CSMD1: variants seen among roughly 807,000 people sequenced by gnomAD.
CSMD1 encodes CUB and Sushi multiple domains 1, also known as CUB and sushi domain-containing protein 1.
CSMD1 carries 213 observed loss-of-function variants against 417.5 expected under a neutral mutation model. That is an observed-to-expected ratio of 0.51 (90% confidence interval 0.46 to 0.57). The LOEUF is 0.57. Ranked by LOEUF, CSMD1 falls within the 20% of genes least tolerant of loss-of-function variation. The pLI is 0.00. For synonymous variants in CSMD1, 2,862 were observed against 1,736.8 expected, an observed-to-expected ratio of 1.65 and a Z score of -16.11; for missense variants, 6,923 against 4,529.7, an observed-to-expected ratio of 1.53 and a Z score of -15.17.
At chr8:4,279,948 A>G (rs1452400838) in intron 3 of CSMD1, among the ~76,000 whole-genome samples, 1 of 152,228 alleles carries the variant, frequency 6.6e-6, no homozygotes. Flanking sequence ...CAAGAAAAGT[A>G]CATAGGGGCA....
intron 3 of CSMD1, among the ~76,000 whole-genome samples, chr8:4,175,502 C>G (rs1356791457): frequency 6.6e-6 from 1 of 152,082 alleles, no homozygotes; most frequent in Non-Finnish European, 1.5e-5. Context: ...TAAAACATTA[C>G]ACAAAGACAA....
Position 4,416,070 on chromosome 8 carries a change from G to A in CSMD1, c.415+3883C>T, listed in dbSNP as rs562222212. Among the ~76,000 whole-genome samples, 15 of 152,236 alleles carry A rather than the reference G, an allele frequency of 9.9e-5. No individual in the cohort carries two copies. In the East Asian group the frequency reaches 2.5e-3, roughly 25 times the overall value. ...GTGAAGATTTCCTAAGAAAAGACAT[G>A]AATAAAGTCTTTGCCAATTGTTATG... On this transcript the variant is annotated intron_variant, in intron 3 of 69. Coordinates refer to ENST00000635120, the MANE Select transcript of CSMD1 (RefSeq NM_033225.6).
chr8:4,915,771 C>T (rs953365310), intron 1 of CSMD1, among the ~76,000 whole-genome samples: 1 of 152,204 alleles, frequency 6.6e-6, no homozygotes, highest in South Asian at 2.1e-4. Flanking sequence ...GGGATTCAAA[C>T]TTTTAGCAGA....
intron 2 of CSMD1, among the ~76,000 whole-genome samples, chr8:4,544,168 T>C (rs1019300806): frequency 1.3e-5 from 2 of 152,216 alleles, no homozygotes; most frequent in African/African-American, 2.4e-5. Flanking sequence ...ACCTTTGATG[T>C]TGTATGTAAA....
rs544856983 is a variant in CSMD1, at chr8:4,313,312, G to A, written c.415+106641C>T. Among the ~76,000 whole-genome samples, 14 of 152,066 alleles carry A rather than the reference G, an allele frequency of 9.2e-5. 1 individual carries two copies. The East Asian group carries it at 2.7e-3, about 30-fold the overall frequency. On this transcript the variant is annotated intron_variant, in intron 3 of 69. Transcript: ENST00000635120. ...CGAAGAATCTGGTTAATAGCTAGCT[G>A]AGTCCCTAGAGAGGGAGGAATCCAT...
intron 49 of CSMD1, among the ~76,000 whole-genome samples, chr8:3,061,297 C>T (rs561644481): frequency 1.1e-4 from 16 of 152,144 alleles, no homozygotes; most frequent in East Asian, 1.9e-4. Context: ...CAAATAGTCA[C>T]ATTTATTATT....
chr8:4,554,046 C>T (rs1026641725), intron 2 of CSMD1, among the ~76,000 whole-genome samples: 1 of 152,152 alleles, frequency 6.6e-6, no homozygotes, highest in Admixed American at 6.5e-5. Flanking sequence ...ACATTATATC[C>T]CTGCTGTCTC....
intron 3 of CSMD1, among the ~76,000 whole-genome samples, chr8:4,191,351 G>A (rs1000928458): frequency 2.0e-5 from 3 of 152,032 alleles, no homozygotes; most frequent in Non-Finnish European, 2.9e-5. Context: ...AGCAGAGATC[G>A]CGCCACTGCA....
chr8:3,298,598 C>T (rs889092759), intron 25 of CSMD1, among the ~76,000 whole-genome samples: 6 of 152,216 alleles, frequency 3.9e-5, no homozygotes, highest in East Asian at 1.9e-4. Flanking sequence ...GGATTATAGG[C>T]GTGTGCCAAC....
At chr8:3,061,658 C>T (rs1298702221) in intron 49 of CSMD1, among the ~76,000 whole-genome samples, 1 of 152,190 alleles carries the variant, frequency 6.6e-6, no homozygotes, top group Non-Finnish European at 1.5e-5. Context: ...CTCAGAAAGT[C>T]ATATACACAG....
At position 4,273,520 on chromosome 8, in the gene CSMD1, G is replaced by A. The variant is rs139343173; in HGVS notation, c.415+146433C>T. 2.8e-4 allele frequency among the ~76,000 whole-genome samples: 43 copies of A among 152,050 alleles called. No individual in the cohort carries two copies. The East Asian group carries it at 7.2e-3, about 25-fold the overall frequency. On this transcript the variant is annotated intron_variant, in intron 3 of 69. Transcript: ENST00000635120. ...GAGTTAAGTAGCAAATAAGAATAGAGGACATTCTATTAACTTCAATTTTCA... is the reference window on the plus strand; with the variant it reads ...GAGTTAAGTAGCAAATAAGAATAGAAGACATTCTATTAACTTCAATTTTCA...
chr8:4,399,085 T>C (rs1457017552), intron 3 of CSMD1, among the ~76,000 whole-genome samples: 4 of 152,228 alleles, frequency 2.6e-5, no homozygotes, highest in Non-Finnish European at 4.4e-5. Context: ...CTGGTGACTT[T>C]TAGCCATGTA....
intron 11 of CSMD1, among the ~76,000 whole-genome samples, chr8:3,492,159 G>A (rs1423279969): frequency 1.3e-5 from 2 of 152,152 alleles, no homozygotes; most frequent in Admixed American, 6.5e-5. Context: ...TGAAACGGGT[G>A]GGCGTGGGTT....
chr8:3,836,454 G>A (rs1802708339), intron 5 of CSMD1, among the ~76,000 whole-genome samples: 1 of 152,078 alleles, frequency 6.6e-6, no homozygotes, highest in Admixed American at 6.6e-5. Flanking sequence ...TGCATTAATA[G>A]GGAAACTGTA....
At chr8:3,234,183 C>T (rs986178125) in intron 26 of CSMD1, among the ~76,000 whole-genome samples, 5 of 152,196 alleles carry the variant, frequency 3.3e-5, no homozygotes, top group African/African-American at 1.2e-4. Context: ...GGCTGGCTTC[C>T]TAGCTTCACA....
chr8:3,212,771 G>T (rs542409994), intron 30 of CSMD1, among the ~76,000 whole-genome samples: 2 of 151,880 alleles, frequency 1.3e-5, no homozygotes, highest in Non-Finnish European at 2.9e-5. Flanking sequence ...AGCAGAACAC[G>T]CCAGGGAAGT....
intron 1 of CSMD1, among the ~76,000 whole-genome samples, chr8:4,754,826 G>C (rs574392076): frequency 1.3e-5 from 2 of 149,066 alleles, no homozygotes; most frequent in African/African-American, 5.0e-5. Context: ...TCCAGCCTGG[G>C]TGACGGAGCA....
intron 3 of CSMD1, among the ~76,000 whole-genome samples, chr8:4,034,191 T>G (rs940433885): frequency 2.0e-5 from 3 of 152,226 alleles, no homozygotes; most frequent in Non-Finnish European, 4.4e-5. Context: ...AGGAATCATC[T>G]ATTTCTAAAA....
At chr8:3,402,379 G>C (rs1812088091) in intron 15 of CSMD1, among the ~76,000 whole-genome samples, 1 of 151,702 alleles carries the variant, frequency 6.6e-6, no homozygotes, top group East Asian at 1.9e-4. Context: ...TTTAAGCTTT[G>C]CTGCCACAGA....
Sources: gnomAD v4.1 joint callset for allele counts (sites outside exome capture counted in the v4.1 genomes callset) on GRCh38, gnomAD v4.1.1 for gene constraint, MANE v1.5 for transcripts, NCBI Gene and HGNC (gene_info 2026-07-23, HGNC 2026-07-21) for gene names.